FUBP3: variants seen among roughly 807,000 people sequenced by gnomAD.
FUBP3 encodes the protein far upstream element binding protein 3, also known as far upstream element-binding protein 3.
Under a neutral mutation model 85.6 loss-of-function variants are expected in FUBP3, and 28 were observed. The ratio of observed to expected loss-of-function variants is 0.33; its 90% CI spans 0.24 to 0.45. The LOEUF (loss-of-function observed/expected upper bound fraction) is 0.45. Among genes scored for constraint, FUBP3 ranks in the 20% least tolerant of loss-of-function variants. FUBP3 has a pLI of 1.00. For missense variants in FUBP3, 583 were observed against 755.1 expected, an observed-to-expected ratio of 0.77 and a Z score of 2.67; for synonymous variants, 271 against 271.4, an observed-to-expected ratio of 1.00 and a Z score of 0.01.
chr9:130,612,862 C>A lies in FUBP3; in HGVS notation c.275-94C>A, dbSNP rs775195298. 2.6e-5 allele frequency: 23 copies of A among 870,790 alleles called. No homozygotes were observed. Among genetic ancestry groups the A allele is most frequent in the Non-Finnish European group, 4.5e-5 (23 of 516,634 alleles). 53.9% of individuals were successfully genotyped at this position (870,790 alleles called of 1,614,324 possible). A position where few individuals can be genotyped will look rare whatever the true frequency, so the allele number is the denominator to read the frequency against. On this transcript the variant is annotated intron_variant, in intron 4 of 18. Transcript: ENST00000319725. This position sits in a 1 kb window ranked among gnomAD's most constrained non-coding sequence, Gnocchi z 4.1. ...CAACTCGATGTGTAGTATTGTGAGCCAAGTGTCACAGTTTGTGGAATTAAT... is the reference window on the plus strand; with the variant it reads ...CAACTCGATGTGTAGTATTGTGAGCAAAGTGTCACAGTTTGTGGAATTAAT...
At chr9:130,601,258 C>CG (rs1290027133) in intron 2 of FUBP3, among the ~76,000 whole-genome samples, 3 of 152,232 alleles carry the variant, frequency 2.0e-5, no homozygotes, top group Non-Finnish European at 4.4e-5. Context: ...TCATGGTTCA[C>CG]TGTCCAACTG....
chr9:130,633,888 C>T (rs1830312290), intron 16 of FUBP3, among the ~76,000 whole-genome samples: 1 of 152,224 alleles, frequency 6.6e-6, no homozygotes, highest in Admixed American at 6.5e-5. Flanking sequence ...CCCTTCCTCC[C>T]TGCTTCAGGC....
intron 2 of FUBP3, among the ~76,000 whole-genome samples, chr9:130,603,316 C>T (rs970211092): frequency 2.2e-5 from 3 of 136,508 alleles, no homozygotes; most frequent in African/African-American, 5.6e-5. Flanking sequence ...CACTGCACTC[C>T]AGCCTGGGCG....
chr9:130,608,256 CTCTGTGT>C (rs1371235453), intron 2 of FUBP3, among the ~76,000 whole-genome samples: 2 of 152,194 alleles, frequency 1.3e-5, no homozygotes, highest in Non-Finnish European at 2.9e-5. Flanking sequence ...AGCACCTCTC[CTCTGTGT>C]TCTCATCATT....
chr9:130,594,813 C>T (rs1208770732), intron 1 of FUBP3, among the ~76,000 whole-genome samples: 2 of 150,582 alleles, frequency 1.3e-5, no homozygotes, highest in African/African-American at 4.9e-5. Context: ...GTTGCATAAG[C>T]GAACCCTGTG....
At chr9:130,588,889 G>C (rs1435426998) in intron 1 of FUBP3, among the ~76,000 whole-genome samples, 3 of 152,214 alleles carry the variant, frequency 2.0e-5, no homozygotes, top group African/African-American at 2.4e-5. Context: ...GGGGAGTAGA[G>C]TCTTGCAGTC....
chr9:130,597,189 A>T (rs1171774799), intron 2 of FUBP3, among the ~76,000 whole-genome samples: 2 of 152,148 alleles, frequency 1.3e-5, no homozygotes, highest in Non-Finnish European at 2.9e-5. Flanking sequence ...CACTTAACAT[A>T]ATGATCTCCA....
chr9:130,589,749 T>A (rs1424980290), intron 1 of FUBP3, among the ~76,000 whole-genome samples: 1 of 133,738 alleles, frequency 7.5e-6, no homozygotes, highest in Non-Finnish European at 1.6e-5. Flanking sequence ...GTCTTGTACC[T>A]GCACAGGCTA....
At chr9:130,634,983 G>T (rs999079684) in intron 17 of FUBP3, among the ~76,000 whole-genome samples, 11 of 152,122 alleles carry the variant, frequency 7.2e-5, no homozygotes, top group African/African-American at 2.4e-4. Context: ...TATTCTCCCC[G>T]TGCTGGGCTC....
At chr9:130,632,428 C>T in intron 16 of FUBP3, 150 bp downstream of exon 16, 2 of 645,692 alleles carry the variant, frequency 3.1e-6, no homozygotes, top group Non-Finnish European at 5.5e-6. Context: ...GGGCTTGGGC[C>T]CTCCTGCAGG....
In FUBP3 at chr9:130,626,263, G is replaced by A. The variant is rs1446473335; in HGVS notation, c.976-101G>A. 4.1e-6 allele frequency: 5 copies of A among 1,224,296 alleles called. No individual in the cohort carries two copies. In the African/African-American group the frequency reaches 6.0e-5, roughly 15 times the overall value. 75.8% of individuals were successfully genotyped at this position (1,224,296 alleles called of 1,614,324 possible). A position where few individuals can be genotyped will look rare whatever the true frequency, so the allele number is the denominator to read the frequency against. ...GAAAGGTGCTAGGTTCTGATGGGTG[G>A]CATTGATTACATCCTGTCACTTAAC... is the stretch of plus-strand genomic sequence containing the variant. On this transcript the variant is annotated intron_variant, in intron 11 of 18. Coordinates refer to ENST00000319725, the MANE Select transcript of FUBP3 (RefSeq NM_003934.2).
Position 130,612,865 on chromosome 9 carries a change from G to T in FUBP3, c.275-91G>T. On this transcript the variant is annotated intron_variant, in intron 4 of 18. Coordinates refer to ENST00000319725, the MANE Select transcript of FUBP3 (RefSeq NM_003934.2). This position sits in a 1 kb window ranked among gnomAD's most constrained non-coding sequence, Gnocchi z 4.1. ...CTCGATGTGTAGTATTGTGAGCCAA[G>T]TGTCACAGTTTGTGGAATTAATTCA... 1 of 883,184 alleles carries T rather than the reference G, an allele frequency of 1.1e-6. No homozygotes were observed. 54.7% of individuals were successfully genotyped at this position (883,184 alleles called of 1,614,324 possible). A position where few individuals can be genotyped will look rare whatever the true frequency, so the allele number is the denominator to read the frequency against.
At chr9:130,617,764 T>C (rs1377498040) in intron 7 of FUBP3, 33 bp from the exon 8 acceptor site, 1 of 1,272,402 alleles carries the variant, frequency 7.9e-7, no homozygotes, top group Non-Finnish European at 1.2e-6. Flanking sequence ...CCTGCATTAT[T>C]CATGAGGCTG....
At chr9:130,579,956 C>T (rs1830061550) in intron 1 of FUBP3, among the ~76,000 whole-genome samples, 192 bp downstream of exon 1, 2 of 152,218 alleles carry the variant, frequency 1.3e-5, no homozygotes. Context: ...CCAGGCCCGG[C>T]CTGTCGGGCG....
intron 5 of FUBP3, among the ~76,000 whole-genome samples, chr9:130,613,672 G>C (rs557998308): frequency 6.6e-6 from 1 of 152,344 alleles, no homozygotes; most frequent in South Asian, 2.1e-4. Context: ...ACTTATTACA[G>C]TGTCTTGAAG....
intron 1 of FUBP3, among the ~76,000 whole-genome samples, chr9:130,588,647 C>T (rs1382543317): frequency 6.6e-6 from 1 of 152,152 alleles, no homozygotes; most frequent in African/African-American, 2.4e-5. Context: ...GTTCCAAGTC[C>T]CACGGTAAGG....
At chr9:130,636,765 C>T (rs1305588489) in intron 18 of FUBP3, among the ~76,000 whole-genome samples, 1 of 152,218 alleles carries the variant, frequency 6.6e-6, no homozygotes, top group African/African-American at 2.4e-5. Flanking sequence ...CCTCTCACTG[C>T]CAAATTGGCC....
In FUBP3 at chr9:130,579,714, G is replaced by A; in HGVS notation, c.34G>A (p.Val12Met). ...AELVQGQSAPVGMKAEGFVDA... is the reference protein window; with the variant it reads ...AELVQGQSAPMGMKAEGFVDA... The stretch of plus-strand genomic sequence containing the variant: ...GCTGGTGCAGGGGCAGAGCGCTCCT[G>A]TGGGGATGAAGGCCGAGGGCTTCGT... Residue 12 changes from valine (V) to methionine (M), a missense_variant, in exon 1 of 19, where the codon GTG (valine) becomes ATG (methionine). Physicochemically the swap from Val to Met is conservative, Grantham distance 21. Coordinates refer to ENST00000319725, the MANE Select transcript of FUBP3 (RefSeq NM_003934.2). 1 of 1,275,320 alleles carries A rather than the reference G, an allele frequency of 7.8e-7. No individual in the cohort carries two copies. Among genetic ancestry groups the A allele is most frequent in the Non-Finnish European group, 9.9e-7 (1 of 1,007,484 alleles). The allele number at this position is 1,275,320 out of a possible 1,614,324, so 79.0% of individuals were successfully genotyped here.
chr9:130,594,085 A>G (rs1022504881), intron 1 of FUBP3, among the ~76,000 whole-genome samples: 1 of 152,144 alleles, frequency 6.6e-6, no homozygotes, highest in African/African-American at 2.4e-5. Context: ...TAGATCACAC[A>G]TCAGTTTATA....
Sources: gnomAD v4.1 joint callset for allele counts (sites outside exome capture counted in the v4.1 genomes callset) on GRCh38, gnomAD v4.1.1 for gene constraint, Gnocchi (gnomAD v3.1) non-coding constraint, MANE v1.5 for transcripts, NCBI Gene and HGNC (gene_info 2026-07-23, HGNC 2026-07-21) for gene names.